SNTB2: variants seen among roughly 807,000 people sequenced by gnomAD.
The protein encoded by SNTB2 is beta-2-syntrophin.
Under a neutral mutation model 46.2 loss-of-function variants are expected in SNTB2, and 34 were observed. That is an observed-to-expected ratio of 0.74 (90% CI 0.56 to 0.98). The LOEUF is 0.98. Ranked by LOEUF, SNTB2 falls within the 50% of genes least tolerant of loss-of-function variation. The probability of loss-of-function intolerance (pLI) is 0.00; values close to 1 mark genes in which losing one functional copy is unlikely to be tolerated. For synonymous variants in SNTB2, 290 were observed against 312.6 expected (o/e 0.93, Z 0.76); for missense variants, 603 against 731.4 (o/e 0.82, Z 2.02).
rs1315804246 is a variant in SNTB2, at chr16:69,304,005, G to A, written c.*3081G>A. 1 of 152,128 alleles carries A rather than the reference G, an allele frequency of 6.6e-6. No individual in the cohort carries two copies. Among genetic ancestry groups the A allele is most frequent in the Non-Finnish European group, 1.5e-5 (1 of 68,036 alleles). The allele number at this position is 152,128 out of a possible 1,614,324, so 9.4% of individuals were successfully genotyped here. A position where few individuals can be genotyped will look rare whatever the true frequency, so the allele number is the denominator to read the frequency against. On this transcript the variant is annotated 3_prime_UTR_variant, in exon 7 of 7. Transcript: ENST00000336278. Reference sequence around the variant, plus strand: ...ACTGCTTCCTGTGCCCCCCAGACCCGGGGCTTCGACAGCTTCTCCACATTC... The same window carrying A: ...ACTGCTTCCTGTGCCCCCCAGACCCAGGGCTTCGACAGCTTCTCCACATTC...
In SNTB2 at chr16:69,198,940, G is replaced by C. The variant is rs145219487; in HGVS notation, c.580+11194G>C. Among the ~76,000 whole-genome samples, 24 of 142,744 alleles carry C rather than the reference G, an allele frequency of 1.7e-4. No homozygotes were observed. In the East Asian group the frequency reaches 3.8e-3, roughly 23 times the overall value. The allele number at this position is 142,744 out of a possible 152,430, so 93.6% of individuals were successfully genotyped here. A position where few individuals can be genotyped will look rare whatever the true frequency, so the allele number is the denominator to read the frequency against. On this transcript the variant is annotated intron_variant, in intron 1 of 6. Coordinates refer to ENST00000336278, the MANE Select transcript of SNTB2 (RefSeq NM_006750.4). ...TGAGACAGTTTCACTCTTGTTGCTC[G>C]GGCTGGAGTGCAATGGCACGATCTC...
Position 69,301,344 on chromosome 16 carries a change from T to C in SNTB2, c.*420T>C, listed in dbSNP as rs758295208. 2.7e-4 allele frequency: 45 copies of C among 169,300 alleles called. 1 individual carries two copies. Among genetic ancestry groups the C allele is most frequent in the Admixed American group, 2.3e-3 (41 of 17,948 alleles). The allele number at this position is 169,300 out of a possible 1,614,324, so 10.5% of individuals were successfully genotyped here. ...GCCTTGATCTCTTGTTCAGAACAAT[T>C]GTCCCTTCCCAGGTGCTAGCTTGCA... On this transcript the variant is annotated 3_prime_UTR_variant, in exon 7 of 7. Transcript: ENST00000336278.
At chr16:69,198,086 G>A (rs1964121779) in intron 1 of SNTB2, among the ~76,000 whole-genome samples, 1 of 149,216 alleles carries the variant, frequency 6.7e-6, no homozygotes, top group African/African-American at 2.5e-5. Context: ...CCTTTACAAT[G>A]TAACAGAGTT....
At chr16:69,212,619 G>C (rs752695550) in intron 1 of SNTB2, among the ~76,000 whole-genome samples, 1 of 151,892 alleles carries the variant, frequency 6.6e-6, no homozygotes, top group African/African-American at 2.4e-5. Context: ...TTACAGGCGT[G>C]AGCCACCGCG....
At chr16:69,267,065 G>A (rs1377713532) in intron 3 of SNTB2, among the ~76,000 whole-genome samples, 3 of 148,758 alleles carry the variant, frequency 2.0e-5, no homozygotes, top group Admixed American at 2.0e-4. Context: ...GTCTCGCTCT[G>A]TTTCCAGGCT....
chr16:69,253,540 T>C (rs1225185376), intron 2 of SNTB2, among the ~76,000 whole-genome samples: 1 of 151,884 alleles, frequency 6.6e-6, no homozygotes, highest in Admixed American at 6.6e-5. Flanking sequence ...TCCCAGCTAC[T>C]CGGGAGGCTG....
In SNTB2 at chr16:69,303,553, C is replaced by G. The variant is rs900553673; in HGVS notation, c.*2629C>G. The G allele has an allele frequency of 1.2e-4, 18 of 152,632 alleles. No individual in the cohort carries two copies. Among genetic ancestry groups the G allele is most frequent in the African/African-American group, 3.9e-4 (16 of 41,456 alleles). The allele number at this position is 152,632 out of a possible 1,614,324, so 9.5% of individuals were successfully genotyped here. Reference sequence around the variant, plus strand: ...GTATAGCACTGAGGTCTGTAGGGTTCTTAATATCTTTTGAGTCTTGCTGTG... The same window carrying G: ...GTATAGCACTGAGGTCTGTAGGGTTGTTAATATCTTTTGAGTCTTGCTGTG... On this transcript the variant is annotated 3_prime_UTR_variant, in exon 7 of 7. Transcript: ENST00000336278.
chr16:69,269,177 AG>A (rs1348506674), intron 3 of SNTB2, among the ~76,000 whole-genome samples: 1 of 151,876 alleles, frequency 6.6e-6, no homozygotes, highest in Admixed American at 6.6e-5. Context: ...CTCAAAAAGA[AG>A]AAAAAAAAAA....
intron 1 of SNTB2, among the ~76,000 whole-genome samples, chr16:69,191,782 A>G (rs1645099343): frequency 6.6e-6 from 1 of 151,830 alleles, no homozygotes; most frequent in Non-Finnish European, 1.5e-5. Context: ...CTGGGACTAC[A>G]GGCGCCCGCC....
chr16:69,190,491 A>G (rs1381242020), intron 1 of SNTB2, among the ~76,000 whole-genome samples: 2 of 152,172 alleles, frequency 1.3e-5, no homozygotes, highest in Admixed American at 1.3e-4. Flanking sequence ...GGAAGTTTAG[A>G]GTTGAGATGT....
chr16:69,204,332 C>T lies in SNTB2; in HGVS notation c.580+16586C>T, dbSNP rs149088992. ...AGCTGCAGTTGCTTCCATAGGCTTG[C>T]TAGAAGCACCAGAAGTCTCCCACTG... On this transcript the variant is annotated intron_variant, in intron 1 of 6. Transcript: ENST00000336278. Among the ~76,000 whole-genome samples the T allele has an allele frequency of 1.8e-3, 279 of 152,292 alleles. 1 individual carries two copies. Among genetic ancestry groups the T allele is most frequent in the African/African-American group, 6.4e-3 (267 of 41,556 alleles).
At chr16:69,277,276 G>A (rs1964992283) in intron 4 of SNTB2, among the ~76,000 whole-genome samples, 1 of 152,190 alleles carries the variant, frequency 6.6e-6, no homozygotes, top group Non-Finnish European at 1.5e-5. Context: ...ATCTGCTACT[G>A]TGAGCTTGAC....
At chr16:69,268,905 C>T (rs756470305) in intron 3 of SNTB2, among the ~76,000 whole-genome samples, 24 of 151,764 alleles carry the variant, frequency 1.6e-4, no homozygotes, top group Non-Finnish European at 2.9e-4. Flanking sequence ...TGCAGTGGCT[C>T]ACGCCTGTAA....
intron 5 of SNTB2, among the ~76,000 whole-genome samples, chr16:69,292,400 ATATATATTATATATATATTATATATAT>A (rs1965175978): frequency 4.1e-5 from 1 of 24,492 alleles, no homozygotes; most frequent in Non-Finnish European, 6.3e-5. Context: ...TTATATATAT[ATATATATTATATATATATTATATATAT>A]ATATATATTA....
At chr16:69,242,865 CA>C (rs1378706615) in intron 1 of SNTB2, among the ~76,000 whole-genome samples, 1 of 151,854 alleles carries the variant, frequency 6.6e-6, no homozygotes, top group African/African-American at 2.4e-5. Context: ...ACTAAAAATA[CA>C]AAAAATTAGC....
At chr16:69,275,218 A>G (rs1471054423) in intron 4 of SNTB2, among the ~76,000 whole-genome samples, 2 of 151,854 alleles carry the variant, frequency 1.3e-5, no homozygotes, top group Non-Finnish European at 2.9e-5. Flanking sequence ...GACTATAGGC[A>G]TAAGCCACTA....
chr16:69,286,456 G>C (rs888819607), intron 5 of SNTB2, among the ~76,000 whole-genome samples: 2 of 152,172 alleles, frequency 1.3e-5, no homozygotes, highest in African/African-American at 4.8e-5. Flanking sequence ...GGCTAAGGCT[G>C]GCGCATTGTT....
chr16:69,278,795 TC>T lies in SNTB2; in HGVS notation c.1149-5252del, dbSNP rs546661852. On this transcript the variant is annotated intron_variant, in intron 4 of 6. Transcript: ENST00000336278. ...ATGTATTCCCTAAGAAGCCTTACCA[TC>T]TTTTTGGGGGAGGGGGTGATTTCAA... Among the ~76,000 whole-genome samples, 10 of 152,172 alleles carry T rather than the reference TC, an allele frequency of 6.6e-5. No homozygotes were observed. The South Asian group carries it at 2.1e-3, about 32-fold the overall frequency.
chr16:69,244,347 T>C (rs926314844), intron 1 of SNTB2, among the ~76,000 whole-genome samples: 2 of 152,268 alleles, frequency 1.3e-5, no homozygotes, highest in Non-Finnish European at 2.9e-5. Flanking sequence ...TATGTGTTTA[T>C]TTTCATACAT....
Sources: gnomAD v4.1 joint callset for allele counts (sites outside exome capture counted in the v4.1 genomes callset) on GRCh38, gnomAD v4.1.1 for gene constraint, MANE v1.5 for transcripts, NCBI Gene and HGNC (gene_info 2026-07-23, HGNC 2026-07-21) for gene names.